Variants in CUX2 observed in about 807,000 individuals in gnomAD.
CUX2 encodes cut like homeobox 2.
In CUX2, 40 loss-of-function variants were observed where a neutral mutation model predicts 144.8. The ratio of observed to expected loss-of-function variants is 0.28; its 90% CI spans 0.21 to 0.36. The LOEUF (loss-of-function observed/expected upper bound fraction) is 0.36. CUX2 is among the 10% of genes least tolerant of loss of function. CUX2 has a pLI of 1.00. For missense variants in CUX2, 1,615 were observed against 1,994.0 expected (o/e 0.81, Z 3.62); for synonymous variants, 827 against 875.6 (o/e 0.94, Z 0.98).
At chr12:111,038,436 T>C (rs1234146553) in intron 1 of CUX2, among the ~76,000 whole-genome samples, 4 of 152,346 alleles carry the variant, frequency 2.6e-5, no homozygotes, top group Non-Finnish European at 5.9e-5. Context: ...CCGCAGAGCT[T>C]GGCATGGCTC....
At chr12:111,200,064 C>T (rs933226172) in intron 1 of CUX2, among the ~76,000 whole-genome samples, 10 of 152,098 alleles carry the variant, frequency 6.6e-5, no homozygotes, top group African/African-American at 2.2e-4. Context: ...CCTCGGGTTG[C>T]GGGGGAGAGA....
intron 3 of CUX2, among the ~76,000 whole-genome samples, chr12:111,238,173 G>C (rs1384293942): frequency 6.6e-6 from 1 of 152,164 alleles, no homozygotes; most frequent in Non-Finnish European, 1.5e-5. Flanking sequence ...TGCCTTCCCA[G>C]GACCTTTTAC....
chr12:111,038,040 C>G (rs569391425), intron 1 of CUX2, among the ~76,000 whole-genome samples: 1 of 152,156 alleles, frequency 6.6e-6, no homozygotes, highest in African/African-American at 2.4e-5. Flanking sequence ...AAAGAGAGGC[C>G]GGACTTTTCC....
Position 111,034,260 on chromosome 12 carries a change from G to T in CUX2, c.63+20G>T. On this transcript the variant is annotated intron_variant, in intron 1 of 21. Transcript: ENST00000261726. This position sits in a 1 kb window ranked among gnomAD's most constrained non-coding sequence, Gnocchi z 4.2. ...CTCCAGGTTAGTGCGGGCAGCGCCG[G>T]CCGCGCGGCCGTGAGGAGCCCCCGG... 7.5e-7 allele frequency: 1 copy of T among 1,330,868 alleles called. No homozygotes were observed. The highest frequency in any genetic ancestry group is 5.3e-5 in the East Asian group (1 of 18,980). 82.4% of individuals were successfully genotyped at this position (1,330,868 alleles called of 1,614,324 possible). A position where few individuals can be genotyped will look rare whatever the true frequency, so the allele number is the denominator to read the frequency against.
intron 1 of CUX2, among the ~76,000 whole-genome samples, chr12:111,200,250 G>A (rs1880497574): frequency 6.6e-6 from 1 of 152,106 alleles, no homozygotes; most frequent in Non-Finnish European, 1.5e-5. Flanking sequence ...TTTATTTACA[G>A]GGGAGGCAGT....
intron 1 of CUX2, among the ~76,000 whole-genome samples, chr12:111,110,195 G>C (rs374691924): frequency 6.6e-6 from 1 of 152,070 alleles, no homozygotes; most frequent in East Asian, 1.9e-4. Flanking sequence ...ACTGGGGAAG[G>C]TCTTTGAGGT....
Position 111,295,994 on chromosome 12 carries a change from C to T in CUX2, c.638-479C>T, listed in dbSNP as rs1330349011. ...TAGAAATCTGGAGTTGTATCAAAAA[C>T]GCTCGTTCATTGTAACACATGAATC... On this transcript the variant is annotated intron_variant, in intron 7 of 21. Transcript: ENST00000261726. The surrounding 1 kb of genome is among the most constrained non-coding windows in gnomAD (Gnocchi z 5.0). Among the ~76,000 whole-genome samples, 2 of 152,096 alleles carry T rather than the reference C, an allele frequency of 1.3e-5. No homozygotes were observed. The highest frequency in any genetic ancestry group is 1.5e-5 in the Non-Finnish European group (1 of 68,014).
Position 111,173,782 on chromosome 12 carries a change from G to A in CUX2, c.64-40418G>A, listed in dbSNP as rs369236663. On this transcript the variant is annotated intron_variant, in intron 1 of 21. Coordinates refer to ENST00000261726, the MANE Select transcript of CUX2 (RefSeq NM_015267.4). ...AAATTTCCTTGAAAAAAATCGCCAG[G>A]CTCTACCCTCAGAGTTTCTGATTCA... Among the ~76,000 whole-genome samples the A allele has an allele frequency of 1.5e-3, 224 of 152,280 alleles. 3 individuals are homozygous for A. Among genetic ancestry groups the A allele is most frequent in the Non-Finnish European group, 2.7e-3 (185 of 68,022 alleles).
chr12:111,291,184 T>A (rs1885661019), intron 4 of CUX2, among the ~76,000 whole-genome samples: 1 of 152,066 alleles, frequency 6.6e-6, no homozygotes, highest in Non-Finnish European at 1.5e-5. Context: ...ATTATTATTG[T>A]TAGTATTATT....
At chr12:111,113,495 C>CA in intron 1 of CUX2, among the ~76,000 whole-genome samples, 2 of 152,114 alleles carry the variant, frequency 1.3e-5, no homozygotes, top group South Asian at 4.2e-4. Flanking sequence ...TTCCAAATGT[C>CA]ATGTAAATGG....
At chr12:111,208,584 G>T (rs1383358492) in intron 1 of CUX2, among the ~76,000 whole-genome samples, 2 of 152,128 alleles carry the variant, frequency 1.3e-5, no homozygotes, top group African/African-American at 4.8e-5. Context: ...TGATGTGGGT[G>T]GGTAACCAAA....
intron 1 of CUX2, among the ~76,000 whole-genome samples, chr12:111,136,216 T>A (rs968220733): frequency 6.7e-6 from 1 of 149,864 alleles, no homozygotes; most frequent in Middle Eastern, 3.5e-3. Context: ...TGGGAGGGAA[T>A]GGAGGGGTGA....
At chr12:111,245,070 A>C (rs991508240) in intron 3 of CUX2, among the ~76,000 whole-genome samples, 1 of 152,136 alleles carries the variant, frequency 6.6e-6, no homozygotes, top group African/African-American at 2.4e-5. Context: ...CTACTCTGAG[A>C]AATGGAAGCA....
intron 1 of CUX2, among the ~76,000 whole-genome samples, chr12:111,042,008 C>A (rs1052568289): frequency 6.6e-6 from 1 of 152,364 alleles, no homozygotes; most frequent in East Asian, 1.9e-4. Context: ...ACACCCCAGC[C>A]TCTGCCAGTC....
rs1426824978 is a variant in CUX2 at position 111,310,187 on chromosome 12, G to C, written c.1405G>C (p.Gly469Arg). ...GCAGCCCCTGCTGGGCCCCAGCTTGGGGCCTGACGGCACTCGGACTTTCTC... is the reference window on the plus strand; with the variant it reads ...GCAGCCCCTGCTGGGCCCCAGCTTGCGGCCTGACGGCACTCGGACTTTCTC... Reference protein sequence around the residue: ...PGQPLLGPSLGPDGTRTFSLS... With the variant: ...PGQPLLGPSLRPDGTRTFSLS... Residue 469 changes from glycine to arginine, a missense_variant, in exon 15 of 22, where the codon GGG (glycine) becomes CGG (arginine). Gly to Arg is a moderately radical substitution (Grantham distance 125). Around this residue, in one of 12 missense-constraint regions of CUX2, gnomAD observed 154 missense variants for 148.4 expected, o/e 1.04. Transcript: ENST00000261726. The surrounding 1 kb of genome is among the most constrained non-coding windows in gnomAD (Gnocchi z 7.9). The C allele has an allele frequency of 6.5e-7, 1 of 1,540,932 alleles. No individual in the cohort carries two copies. Among genetic ancestry groups the C allele is most frequent in the East Asian group, 2.3e-5 (1 of 43,686 alleles).
intron 3 of CUX2, among the ~76,000 whole-genome samples, chr12:111,234,406 A>T (rs1882627947): frequency 1.3e-5 from 2 of 152,164 alleles, no homozygotes; most frequent in South Asian, 4.1e-4. Context: ...AGAGAAAGAG[A>T]TGAACTCTGT....
intron 1 of CUX2, among the ~76,000 whole-genome samples, chr12:111,048,276 A>G (rs1025766337): frequency 2.0e-5 from 3 of 152,238 alleles, no homozygotes; most frequent in Admixed American, 1.3e-4. Flanking sequence ...TTTGGAAAAT[A>G]GGCAAAGGAC....
intron 1 of CUX2, among the ~76,000 whole-genome samples, chr12:111,052,075 T>G (rs1453809033): frequency 2.0e-5 from 3 of 152,146 alleles, no homozygotes; most frequent in Non-Finnish European, 2.9e-5. Context: ...CTCGCCATGT[T>G]CCAGTCACAC....
chr12:111,164,301 C>A (rs1399323242), intron 1 of CUX2, among the ~76,000 whole-genome samples: 1 of 152,034 alleles, frequency 6.6e-6, no homozygotes, highest in South Asian at 2.1e-4. Context: ...AGGGGCGGGA[C>A]ATGGTGGCTC....
Sources: gnomAD v4.1 joint callset for allele counts (sites outside exome capture counted in the v4.1 genomes callset) on GRCh38, gnomAD v4.1.1 for gene constraint, gnomAD v4.1.1 regional missense constraint, Gnocchi (gnomAD v3.1) non-coding constraint, MANE v1.5 for transcripts, NCBI Gene and HGNC (gene_info 2026-07-23, HGNC 2026-07-21) for gene names.